SLCO5A1: variants seen among roughly 807,000 people sequenced by gnomAD.
The protein encoded by SLCO5A1 is solute carrier organic anion transporter family member 5A1, also known as organic anion transporter polypeptide-related protein 4.
In SLCO5A1, 39 loss-of-function variants were observed where a neutral mutation model predicts 65.1. That is an observed-to-expected ratio of 0.60 (90% CI 0.46 to 0.78). SLCO5A1 has a LOEUF of 0.78. Among genes scored for constraint, SLCO5A1 ranks in the 30% least tolerant of loss-of-function variants. SLCO5A1 has a pLI of 0.00. For missense variants in SLCO5A1, 1,029 were observed against 1,069.4 expected, an observed-to-expected ratio of 0.96 and a Z score of 0.53; for synonymous variants, 438 against 415.7, an observed-to-expected ratio of 1.05 and a Z score of -0.65.
In SLCO5A1 at chr8:69,789,791, C is replaced by A. The variant is rs540396973; in HGVS notation, c.908-27916G>T. On this transcript the variant is annotated intron_variant, in intron 2 of 9. Coordinates refer to ENST00000260126, the MANE Select transcript of SLCO5A1 (RefSeq NM_030958.3). ...TATGTATCCTACAACATGTTGTAAA[C>A]CTCAAATATATACAATAAAATTTAT... Among the ~76,000 whole-genome samples, 17 of 152,046 alleles carry A rather than the reference C, an allele frequency of 1.1e-4. 1 individual carries two copies. In the South Asian group the frequency reaches 2.7e-3, roughly 24 times the overall value.
At chr8:69,736,464 T>C (rs965605499) in intron 5 of SLCO5A1, among the ~76,000 whole-genome samples, 2 of 152,162 alleles carry the variant, frequency 1.3e-5, no homozygotes, top group Non-Finnish European at 2.9e-5. Context: ...AAATGGTGCA[T>C]CTGTAGAGAA....
At chr8:69,731,417 C>T (rs1335048159) in intron 5 of SLCO5A1, among the ~76,000 whole-genome samples, 2 of 152,330 alleles carry the variant, frequency 1.3e-5, no homozygotes, top group East Asian at 1.9e-4. Context: ...GCAAGAAATG[C>T]CAATGTGTTT....
At chr8:69,738,661 C>T (rs765076333) in intron 4 of SLCO5A1, among the ~76,000 whole-genome samples, 1 of 152,170 alleles carries the variant, frequency 6.6e-6, no homozygotes, top group Non-Finnish European at 1.5e-5. Context: ...CTTCTGTGGG[C>T]ATCTACATGA....
intron 9 of SLCO5A1, among the ~76,000 whole-genome samples, chr8:69,675,936 T>C (rs1175912201): frequency 1.3e-5 from 2 of 152,204 alleles, no homozygotes; most frequent in African/African-American, 4.8e-5. Context: ...CAAAGGAATG[T>C]TGTATGTTAC....
At chr8:69,744,900 A>G (rs1172953697) in intron 4 of SLCO5A1, among the ~76,000 whole-genome samples, 1 of 152,348 alleles carries the variant, frequency 6.6e-6, no homozygotes, top group African/African-American at 2.4e-5. Flanking sequence ...TTTTAAAAGT[A>G]TGGTTCTTTA....
chr8:69,797,305 C>T (rs989472278), intron 2 of SLCO5A1, among the ~76,000 whole-genome samples: 5 of 152,154 alleles, frequency 3.3e-5, no homozygotes, highest in South Asian at 2.1e-4. Flanking sequence ...CCGTCATCTT[C>T]GTAAGCTGAG....
intron 5 of SLCO5A1, among the ~76,000 whole-genome samples, chr8:69,711,679 A>C (rs1289013801): frequency 6.6e-6 from 1 of 152,220 alleles, no homozygotes. Flanking sequence ...TCAGCCACTT[A>C]CAAGCTGCAT....
chr8:69,762,308 T>C (rs1253908625), intron 2 of SLCO5A1, among the ~76,000 whole-genome samples: 1 of 151,978 alleles, frequency 6.6e-6, no homozygotes, highest in South Asian at 2.1e-4. Context: ...TGCCTCAGCC[T>C]CCTGAGTAGC....
chr8:69,725,802 G>A (rs1404543050), intron 5 of SLCO5A1, among the ~76,000 whole-genome samples: 1 of 152,150 alleles, frequency 6.6e-6, no homozygotes, highest in Non-Finnish European at 1.5e-5. Flanking sequence ...TAGCAGAAAC[G>A]CTCCTACGTC....
At chr8:69,733,177 T>TTA (rs774089982) in intron 5 of SLCO5A1, among the ~76,000 whole-genome samples, 113 of 152,250 alleles carry the variant, frequency 7.4e-4, no homozygotes, top group Admixed American at 3.1e-3. Flanking sequence ...TACAGAAATT[T>TTA]TATTCTCAGA....
At chr8:69,735,825 A>T (rs930950923) in intron 5 of SLCO5A1, among the ~76,000 whole-genome samples, 1 of 152,156 alleles carries the variant, frequency 6.6e-6, no homozygotes, top group Admixed American at 6.6e-5. Flanking sequence ...AGAACTTAAA[A>T]TTTTTTAAAA....
At chr8:69,726,477 T>G (rs1342425029) in intron 5 of SLCO5A1, among the ~76,000 whole-genome samples, 2 of 151,392 alleles carry the variant, frequency 1.3e-5, no homozygotes, top group Non-Finnish European at 2.9e-5. Context: ...TCTTGCTTTC[T>G]CTTTCATTTT....
At chr8:69,756,806 G>A (rs1053263658) in intron 3 of SLCO5A1, among the ~76,000 whole-genome samples, 1 of 152,234 alleles carries the variant, frequency 6.6e-6, no homozygotes, top group Non-Finnish European at 1.5e-5. Context: ...CTTCTTGACT[G>A]CATGATGCCC....
chr8:69,831,627 AAGGC>A, intron 2 of SLCO5A1, 136 bp downstream of exon 2: 1 of 938,318 alleles, frequency 1.1e-6, no homozygotes, highest in South Asian at 1.8e-5. Flanking sequence ...ACACTACAGC[AAGGC>A]TAAAACGTAA....
At chr8:69,811,243 C>A (rs1320928132) in intron 2 of SLCO5A1, among the ~76,000 whole-genome samples, 4 of 152,146 alleles carry the variant, frequency 2.6e-5, no homozygotes, top group African/African-American at 9.7e-5. Flanking sequence ...CGTGAGCTTA[C>A]GTGTTTGGGG....
At chr8:69,690,200 G>A (rs1319835509) in intron 6 of SLCO5A1, among the ~76,000 whole-genome samples, 6 of 152,160 alleles carry the variant, frequency 3.9e-5, no homozygotes, top group Non-Finnish European at 8.8e-5. Flanking sequence ...ATAGTAGGTA[G>A]GGACAGTGGG....
At chr8:69,720,552 A>G (rs1393531179) in intron 5 of SLCO5A1, among the ~76,000 whole-genome samples, 1 of 152,278 alleles carries the variant, frequency 6.6e-6, no homozygotes, top group African/African-American at 2.4e-5. Context: ...GTGGCCATAT[A>G]AAATCAGGAA....
rs144861746 is a variant in SLCO5A1 at position 69,680,349 on chromosome 8, A to G, written c.1783-730T>C. ...CCATTTTTGTGTCCATGAGTACCCA[A>G]TGTTTAGCTCCCACTTATAAGTGAG... On this transcript the variant is annotated intron_variant, in intron 7 of 9. Coordinates refer to ENST00000260126, the MANE Select transcript of SLCO5A1 (RefSeq NM_030958.3). 8.9e-3 allele frequency among the ~76,000 whole-genome samples: 1,355 copies of G among 152,192 alleles called. 18 individuals carry two copies. Among genetic ancestry groups the G allele is most frequent in the Middle Eastern group, 0.014 (4 of 294 alleles).
Position 69,755,164 on chromosome 8 carries a change from C to G in SLCO5A1, c.1258+260G>C, listed in dbSNP as rs140380300. ...AGTCTGTCATCTACTAATACTTTTG[C>G]AAAATACACAAATGATGAATTATTT... is the stretch of plus-strand genomic sequence containing the variant. On this transcript the variant is annotated intron_variant, in intron 4 of 9. Coordinates refer to ENST00000260126, the MANE Select transcript of SLCO5A1 (RefSeq NM_030958.3). Among the ~76,000 whole-genome samples, 1,316 of 152,038 alleles carry G rather than the reference C, an allele frequency of 8.7e-3. 22 individuals carry two copies. Among genetic ancestry groups the G allele is most frequent in the African/African-American group, 0.03 (1,251 of 41,478 alleles).
Sources: allele counts gnomAD v4.1 joint callset (sites outside exome capture counted in the v4.1 genomes callset), GRCh38; gene constraint gnomAD v4.1.1; transcripts MANE v1.5; gene names NCBI Gene and HGNC (gene_info 2026-07-23, HGNC 2026-07-21).